The following CAPZB variants were observed in gnomAD, a reference collection of about 807,000 sequenced individuals.
The protein encoded by CAPZB is capping actin protein of muscle Z-line subunit beta, also known as F-actin-capping protein subunit beta.
Under a neutral mutation model 38.1 loss-of-function variants are expected in CAPZB, and 2 were observed. That is an observed-to-expected ratio of 0.05 (90% confidence interval 0.02 to 0.17). The LOEUF (loss-of-function observed/expected upper bound fraction) is 0.17, where lower values mean the gene tolerates loss of function less well. CAPZB is among the 10% of genes least tolerant of loss of function. The pLI, the probability that CAPZB is intolerant of heterozygous loss-of-function variation, is 1.00. For missense variants in CAPZB, 161 were observed against 334.2 expected, an observed-to-expected ratio of 0.48 and a Z score of 4.04; for synonymous variants, 107 against 127.4, an observed-to-expected ratio of 0.84 and a Z score of 1.08.
intron 1 of CAPZB, among the ~76,000 whole-genome samples, chr1:19,470,038 G>A (rs1028685861): frequency 6.6e-6 from 1 of 152,074 alleles, no homozygotes; most frequent in African/African-American, 2.4e-5. Flanking sequence ...TGGGCAACAC[G>A]GTGAAACCCC....
In CAPZB at chr1:19,339,452, G is replaced by A. The variant is rs1368212781; in HGVS notation, c.*78C>T. On this transcript the variant is annotated 3_prime_UTR_variant, in exon 9 of 9. Coordinates refer to ENST00000264202, the MANE Select transcript of CAPZB (RefSeq NM_004930.5). ...CCTGTCGGGGAGGGAAGGGACGAGG[G>A]AAGGGAGCAGAAAACGAGTTTTCTA... 2.0e-6 allele frequency: 2 copies of A among 1,021,864 alleles called. No homozygotes were observed. Among genetic ancestry groups the A allele is most frequent in the African/African-American group, 3.2e-5 (2 of 63,442 alleles). 63.3% of individuals were successfully genotyped at this position (1,021,864 alleles called of 1,614,324 possible).
At chr1:19,474,106 C>T (rs537598589) in intron 1 of CAPZB, among the ~76,000 whole-genome samples, 2 of 152,114 alleles carry the variant, frequency 1.3e-5, no homozygotes, top group Admixed American at 1.3e-4. Flanking sequence ...AATGATCCTC[C>T]CACCTCAGCC....
intron 4 of CAPZB, among the ~76,000 whole-genome samples, chr1:19,361,494 C>A (rs1216623408): frequency 2.0e-5 from 3 of 152,248 alleles, no homozygotes; most frequent in Non-Finnish European, 4.4e-5. Context: ...GCCTCTCCTG[C>A]GAGTGCCATC....
chr1:19,418,929 C>T (rs543408564), intron 2 of CAPZB, among the ~76,000 whole-genome samples: 1 of 152,380 alleles, frequency 6.6e-6, no homozygotes, highest in Admixed American at 6.5e-5. Context: ...GAGGACCAGA[C>T]TCAGGGACTC....
At chr1:19,348,159 A>C (rs574755405) in intron 6 of CAPZB, among the ~76,000 whole-genome samples, 1 of 152,268 alleles carries the variant, frequency 6.6e-6, no homozygotes, top group Admixed American at 6.5e-5. Flanking sequence ...TGATGAAGAC[A>C]CTGCAGCTGC....
intron 1 of CAPZB, among the ~76,000 whole-genome samples, chr1:19,435,197 T>C (rs1369120365): frequency 6.6e-6 from 1 of 152,168 alleles, no homozygotes; most frequent in East Asian, 1.9e-4. Context: ...ACATTATTCC[T>C]CCATCAACAG....
chr1:19,440,789 G>A (rs768564713), intron 1 of CAPZB, among the ~76,000 whole-genome samples: 2 of 152,160 alleles, frequency 1.3e-5, no homozygotes, highest in African/African-American at 2.4e-5. Context: ...GGCCGGGCGC[G>A]GTGGCTCACG....
rs371991575 is a variant in CAPZB at position 19,398,513 on chromosome 1, C to T, written c.94-12887G>A. On this transcript the variant is annotated intron_variant, in intron 2 of 8. Transcript: ENST00000264202. Reference sequence around the variant, plus strand: ...AGTGGGAGTGTTTGTGCCATGTTTACGTGTCTGAGTGGGGGAGCGGGTGCT... The same window carrying T: ...AGTGGGAGTGTTTGTGCCATGTTTATGTGTCTGAGTGGGGGAGCGGGTGCT... Among the ~76,000 whole-genome samples, 296 of 150,082 alleles carry T rather than the reference C, an allele frequency of 2.0e-3. 3 individuals are homozygous for T. Among genetic ancestry groups the T allele is most frequent in the African/African-American group, 7.1e-3 (280 of 39,402 alleles).
chr1:19,398,689 G>A (rs573318923), intron 2 of CAPZB, among the ~76,000 whole-genome samples: 1 of 151,856 alleles, frequency 6.6e-6, no homozygotes, highest in African/African-American at 2.4e-5. Context: ...CCATAGAAAC[G>A]ACCAAGCAGG....
intron 1 of CAPZB, among the ~76,000 whole-genome samples, chr1:19,449,605 C>T (rs1214899047): frequency 3.3e-5 from 5 of 151,978 alleles, no homozygotes; most frequent in East Asian, 1.9e-4. Flanking sequence ...CTGGCTGACA[C>T]GGCAAAACTC....
At chr1:19,439,798 A>ATCAC (rs1175191555) in intron 1 of CAPZB, among the ~76,000 whole-genome samples, 4 of 152,214 alleles carry the variant, frequency 2.6e-5, no homozygotes, top group Admixed American at 6.5e-5. Flanking sequence ...ATGCCACTGG[A>ATCAC]TCACTGGGTG....
In CAPZB at chr1:19,447,272, C is replaced by CTTTTTTT. The variant is rs35692222; in HGVS notation, c.4-27529_4-27523dup. Among the ~76,000 whole-genome samples the CTTTTTTT allele has an allele frequency of 6.3e-4, 47 of 74,884 alleles. 4 individuals carry two copies. The highest frequency in any genetic ancestry group is 0.01 in the Middle Eastern group (1 of 96). 49.1% of individuals were successfully genotyped at this position (74,884 alleles called of 152,430 possible). A position where few individuals can be genotyped will look rare whatever the true frequency, so the allele number is the denominator to read the frequency against. On this transcript the variant is annotated intron_variant, in intron 1 of 8. Transcript: ENST00000264202. ...GACATTGGGCAGCACCAGACCTAAT[C>CTTTTTTT]TTTTTTTTTTTTTTTTTTTTTTTTG...
Position 19,389,445 on chromosome 1 carries a change from T to C in CAPZB, c.94-3819A>G, listed in dbSNP as rs184208223. ...GGGTCGTGTGTTTTTTTTTTCTCAATGAGATGGAGTCCAGCTCTGTCACCC... is the reference window on the plus strand; with the variant it reads ...GGGTCGTGTGTTTTTTTTTTCTCAACGAGATGGAGTCCAGCTCTGTCACCC... On this transcript the variant is annotated intron_variant, in intron 2 of 8. Coordinates refer to ENST00000264202, the MANE Select transcript of CAPZB (RefSeq NM_004930.5). Among the ~76,000 whole-genome samples the C allele has an allele frequency of 1.1e-4, 17 of 151,924 alleles. No individual in the cohort carries two copies. In the East Asian group the frequency reaches 2.3e-3, roughly 21 times the overall value.
intron 1 of CAPZB, among the ~76,000 whole-genome samples, chr1:19,482,887 G>C (rs1013378871): frequency 1.3e-5 from 2 of 152,172 alleles, no homozygotes; most frequent in African/African-American, 4.8e-5. Flanking sequence ...TCAAATAGGG[G>C]ATAAACGTAA....
intron 1 of CAPZB, among the ~76,000 whole-genome samples, chr1:19,442,028 A>AT (rs397961876): frequency 9.9e-5 from 15 of 150,972 alleles, no homozygotes; most frequent in Non-Finnish European, 1.5e-4. Flanking sequence ...AAAAAAAAAA[A>AT]GCACAGGAGA....
intron 1 of CAPZB, among the ~76,000 whole-genome samples, chr1:19,460,914 A>G (rs1022594604): frequency 1.2e-4 from 19 of 152,060 alleles, no homozygotes; most frequent in African/African-American, 4.6e-4. Context: ...CCTTCAGGAA[A>G]GGGGCACCAG....
chr1:19,353,471 CCTGCCCTTCTGTTT>C (rs1395748518), intron 6 of CAPZB, among the ~76,000 whole-genome samples: 2 of 152,046 alleles, frequency 1.3e-5, no homozygotes, highest in Non-Finnish European at 2.9e-5. Flanking sequence ...CCCCTCTTCC[CCTGCCCTTCTGTTT>C]CTGCCCTTGC....
At chr1:19,434,599 T>G (rs1162406670) in intron 1 of CAPZB, among the ~76,000 whole-genome samples, 1 of 151,476 alleles carries the variant, frequency 6.6e-6, no homozygotes, top group Non-Finnish European at 1.5e-5. Context: ...ATTATCACCA[T>G]CTTCTTATAC....
At chr1:19,395,889 A>G (rs1433681984) in intron 2 of CAPZB, among the ~76,000 whole-genome samples, 1 of 152,248 alleles carries the variant, frequency 6.6e-6, no homozygotes, top group Non-Finnish European at 1.5e-5. Flanking sequence ...GCCAGCCGGC[A>G]GGAGAAGCTG....
Sources: allele counts gnomAD v4.1 joint callset (sites outside exome capture counted in the v4.1 genomes callset), GRCh38; gene constraint gnomAD v4.1.1; transcripts MANE v1.5; gene names NCBI Gene and HGNC (gene_info 2026-07-23, HGNC 2026-07-21).